The following UTRN variants were observed in gnomAD, a reference collection of about 807,000 sequenced individuals.
UTRN encodes the protein dystrophin-related protein 1.
A neutral mutation model predicts 463.9 loss-of-function variants in UTRN; 283 were observed. The ratio of observed to expected loss-of-function variants is 0.61; its 90% CI spans 0.55 to 0.67. The LOEUF (loss-of-function observed/expected upper bound fraction) is 0.67, where lower values mean the gene tolerates loss of function less well. Among genes scored for constraint, UTRN ranks in the 30% least tolerant of loss-of-function variants. The probability of loss-of-function intolerance (pLI) is 0.00; values close to 1 mark genes in which losing one functional copy is unlikely to be tolerated. For missense variants in UTRN, 3,922 were observed against 4,084.3 expected (o/e 0.96, Z 1.08); for synonymous variants, 1,442 against 1,431.5 (o/e 1.01, Z -0.17).
At chr6:144,445,246 G>T (rs1041530806) in intron 14 of UTRN, among the ~76,000 whole-genome samples, 1 of 151,330 alleles carries the variant, frequency 6.6e-6, no homozygotes, top group South Asian at 2.1e-4. Context: ...AGCTACTCAG[G>T]AGGCTGAGGC....
chr6:144,722,302 C>G (rs1787279924), intron 53 of UTRN, among the ~76,000 whole-genome samples: 1 of 151,662 alleles, frequency 6.6e-6, no homozygotes, highest in Non-Finnish European at 1.5e-5. Context: ...TCATGCCTTG[C>G]TCCCTCACTT....
At chr6:144,466,220 A>G (rs1225134870) in intron 23 of UTRN, among the ~76,000 whole-genome samples, 1 of 152,242 alleles carries the variant, frequency 6.6e-6, no homozygotes, top group African/African-American at 2.4e-5. Context: ...ACTTAATAAC[A>G]TCTTTCATTG....
chr6:144,293,794 C>G (rs1804452985), intron 2 of UTRN, among the ~76,000 whole-genome samples: 1 of 152,048 alleles, frequency 6.6e-6, no homozygotes, highest in South Asian at 2.1e-4. Flanking sequence ...TCTAGCACAT[C>G]TGAACAGATC....
intron 2 of UTRN, among the ~76,000 whole-genome samples, chr6:144,302,762 G>A (rs916437166): frequency 3.3e-5 from 5 of 152,208 alleles, no homozygotes; most frequent in Admixed American, 6.5e-5. Flanking sequence ...ATGAGGGTAG[G>A]TTTGAGTAAG....
chr6:144,638,616 T>G (rs998205589), intron 51 of UTRN, among the ~76,000 whole-genome samples: 1 of 152,162 alleles, frequency 6.6e-6, no homozygotes, highest in Non-Finnish European at 1.5e-5. Context: ...AAAAGTTAGG[T>G]CTAGGGTATA....
intron 53 of UTRN, among the ~76,000 whole-genome samples, chr6:144,701,523 G>A (rs538025137): frequency 6.6e-5 from 10 of 152,120 alleles, no homozygotes; most frequent in Non-Finnish European, 1.5e-4. Flanking sequence ...TTAGATCCTT[G>A]TGTGATTAAA....
chr6:144,305,204 G>A (rs968601514), intron 2 of UTRN, among the ~76,000 whole-genome samples: 1 of 152,150 alleles, frequency 6.6e-6, no homozygotes, highest in Non-Finnish European at 1.5e-5. Context: ...AATTATGTCA[G>A]CATAGATAAA....
chr6:144,392,399 A>G (rs1459277892), intron 2 of UTRN, among the ~76,000 whole-genome samples: 1 of 152,200 alleles, frequency 6.6e-6, no homozygotes, highest in Admixed American at 6.5e-5. Context: ...AGATTTTTAT[A>G]TTCTGTTTAA....
At chr6:144,675,428 A>G (rs1781492919) in intron 51 of UTRN, among the ~76,000 whole-genome samples, 1 of 152,200 alleles carries the variant, frequency 6.6e-6, no homozygotes, top group Admixed American at 6.5e-5. Flanking sequence ...GTTTTCTCGA[A>G]TGCCAGTTAT....
At chr6:144,768,948 G>GTTTTTTTTTTTTTTTTTT (rs35525101) in intron 58 of UTRN, among the ~76,000 whole-genome samples, 2 of 126,058 alleles carry the variant, frequency 1.6e-5, no homozygotes, top group South Asian at 2.6e-4. Context: ...TTTGTTTTTT[G>GTTTTTTTTTTTTTTTTTT]TTTTGTTTTG....
At chr6:144,778,053 G>A (rs994976372) in intron 60 of UTRN, among the ~76,000 whole-genome samples, 2 of 152,148 alleles carry the variant, frequency 1.3e-5, no homozygotes, top group Admixed American at 1.3e-4. Flanking sequence ...GAGCCATGAG[G>A]CATTTTCTGT....
At chr6:144,322,866 C>T (rs1218142108) in intron 2 of UTRN, among the ~76,000 whole-genome samples, 1 of 151,398 alleles carries the variant, frequency 6.6e-6, no homozygotes, top group African/African-American at 2.4e-5. Context: ...TGGCGTGAAC[C>T]TGGGAGGCGG....
At chr6:144,389,427 C>T (rs1370241447) in intron 2 of UTRN, among the ~76,000 whole-genome samples, 2 of 152,110 alleles carry the variant, frequency 1.3e-5, no homozygotes, top group Non-Finnish European at 2.9e-5. Context: ...CCTGAGTATG[C>T]TGCTAATCTC....
chr6:144,838,971 G>A (rs1781329258), intron 71 of UTRN: 1 of 484,432 alleles, frequency 2.1e-6, no homozygotes, highest in Non-Finnish European at 3.7e-6. Context: ...TAACCAAGTG[G>A]ATTCTTCAAG....
chr6:144,680,366 A>G (rs190069183), intron 52 of UTRN, among the ~76,000 whole-genome samples: 1 of 152,306 alleles, frequency 6.6e-6, no homozygotes, highest in Non-Finnish European at 1.5e-5. Context: ...AGAACTTATA[A>G]ACTACAGTTG....
intron 70 of UTRN, 116 bp from the exon 71 acceptor site, chr6:144,836,170 CTCATCCTGCTATTAA>C (rs141408369): frequency 0.021 from 31,373 of 1,477,262 alleles, 1,293 homozygotes; most frequent in African/African-American, 0.18. Flanking sequence ...TTCCTGCATG[CTCATCCTGCTATTAA>C]TACACATTTT....
At chr6:144,824,515 A>G (rs1311177188) in intron 66 of UTRN, among the ~76,000 whole-genome samples, 2 of 138,816 alleles carry the variant, frequency 1.4e-5, no homozygotes, top group Non-Finnish European at 3.1e-5. Context: ...TATTGTATAT[A>G]TATGTATATA....
chr6:144,747,336 G>A (rs192276814), intron 54 of UTRN, among the ~76,000 whole-genome samples: 34 of 152,332 alleles, frequency 2.2e-4, no homozygotes, highest in African/African-American at 7.9e-4. Context: ...ATTTTAAGGT[G>A]TAGAAGATAG....
At chr6:144,586,495 A>G (rs576449449) in intron 51 of UTRN, among the ~76,000 whole-genome samples, 4 of 152,270 alleles carry the variant, frequency 2.6e-5, no homozygotes, top group Admixed American at 6.5e-5. Context: ...TCATGCCTAT[A>G]AAATAATTTT....
Sources: gnomAD v4.1 joint callset for allele counts (sites outside exome capture counted in the v4.1 genomes callset) on GRCh38, gnomAD v4.1.1 for gene constraint, MANE v1.5 for transcripts, NCBI Gene and HGNC (gene_info 2026-07-23, HGNC 2026-07-21) for gene names.